Variants in DMPK observed in about 807,000 individuals in gnomAD.
The protein encoded by DMPK is myotonin-protein kinase.
In DMPK, 32 loss-of-function variants were observed where a neutral mutation model predicts 70.3. The observed-to-expected ratio is 0.46, with a 90% CI of 0.34 to 0.61. DMPK has a LOEUF of 0.61. DMPK is among the 20% of genes least tolerant of loss of function. The pLI is 0.01. For synonymous variants in DMPK, 469 were observed against 390.9 expected, an observed-to-expected ratio of 1.20 and a Z score of -2.36; for missense variants, 899 against 886.0, an observed-to-expected ratio of 1.01 and a Z score of -0.19.
At chr19:45,778,738 G>A (rs1969929931) in intron 4 of DMPK, 97 bp from the exon 5 acceptor site, 1 of 1,331,208 alleles carries the variant, frequency 7.5e-7, no homozygotes, top group South Asian at 1.4e-5. Context: ...CCCCATCCTT[G>A]GGCAGAGACC....
chr19:45,779,699 T>C (rs1037555821), intron 2 of DMPK, 79 bp downstream of exon 2: 6 of 1,529,114 alleles, frequency 3.9e-6, no homozygotes, highest in African/African-American at 2.8e-5. Context: ...CGGTCATTCA[T>C]CAATTTCTAA....
chr19:45,771,249 C>T (rs369969645), intron 13 of DMPK, 101 bp downstream of exon 13: 4 of 1,466,710 alleles, frequency 2.7e-6, no homozygotes, highest in Middle Eastern at 1.8e-4. Context: ...GTCGCAAAGA[C>T]GTAGGGTGAG....
At position 45,770,632 on chromosome 19, in the gene DMPK, C is replaced by T. The variant is rs1250841578; in HGVS notation, c.1746G>A (p.Arg582=). 6.4e-7 allele frequency: 1 copy of T among 1,551,882 alleles called. No homozygotes were observed. The highest frequency in any genetic ancestry group is 1.2e-5 in the South Asian group (1 of 84,086). The change falls in exon 15 of 15, where the codon AGG becomes AGA. Residue 582 remains arginine (R), a synonymous_variant. Coordinates refer to ENST00000291270, the MANE Select transcript of DMPK (RefSeq NM_004409.5). ...RHLLLPARVP[R]PGLSEALSLL... is the part of the protein sequence containing the mutation. ...GGGAAAGCGCCTCCGATAGGCCAGG[C>T]CTAGGGACCTGCGGGGAGAGGGCGA...
In DMPK at chr19:45,771,064, G is replaced by C; in HGVS notation, c.1648-4C>G. On this transcript the variant is annotated splice_region_variant and splice_polypyrimidine_tract_variant and intron_variant, in intron 13 of 14. Transcript: ENST00000291270. ...CCACGGCCGGGGGGCCATCTAGCTG[G>C]AGAGAGAAGGGACAGGTGACCCGAT... The C allele has an allele frequency of 6.6e-7, 1 of 1,526,132 alleles. No individual in the cohort carries two copies. Among genetic ancestry groups the C allele is most frequent in the Non-Finnish European group, 8.8e-7 (1 of 1,137,536 alleles). The allele number at this position is 1,526,132 out of a possible 1,614,324, so 94.5% of individuals were successfully genotyped here.
At chr19:45,782,145 T>A in intron 1 of DMPK, 48 bp downstream of exon 1, 1 of 577,010 alleles carries the variant, frequency 1.7e-6, no homozygotes, top group Non-Finnish European at 2.5e-6. Flanking sequence ...ACCTGTCTCC[T>A]GCCCCACCCC....
chr19:45,770,427 T>C lies in DMPK; in HGVS notation c.*61A>G. The C allele has an allele frequency of 6.5e-7, 1 of 1,535,238 alleles. No individual in the cohort carries two copies. The highest frequency in any genetic ancestry group is 8.8e-7 in the Non-Finnish European group (1 of 1,134,920). On this transcript the variant is annotated 3_prime_UTR_variant, in exon 15 of 15. Coordinates refer to ENST00000291270, the MANE Select transcript of DMPK (RefSeq NM_004409.5). Reference sequence around the variant, plus strand: ...TGGCAGGCGGTGGGCGCGGCTTCTGTGCCGTGCCCCGGGCACTCAGTCTTC... The same window carrying C: ...TGGCAGGCGGTGGGCGCGGCTTCTGCGCCGTGCCCCGGGCACTCAGTCTTC...
At chr19:45,772,803 G>T in intron 9 of DMPK, 51 bp from the exon 10 acceptor site, 1 of 1,094,002 alleles carries the variant, frequency 9.1e-7, no homozygotes, top group Non-Finnish European at 1.2e-6. Context: ...TGATTCTCTG[G>T]TGGAGAACCA....
Position 45,771,936 on chromosome 19 carries a change from T to C in DMPK, c.1345-8A>G, listed in dbSNP as rs1435812090. 1.1e-5 allele frequency: 17 copies of C among 1,586,256 alleles called. No individual in the cohort carries two copies. The highest frequency in any genetic ancestry group is 1.4e-5 in the Non-Finnish European group (16 of 1,165,424). The stretch of plus-strand genomic sequence containing the variant: ...TGGAACTGCCACTTCAGCCTGTGTA[T>C]GGGGACCAGGCTTAAGGCTGCCTGT... On this transcript the variant is annotated splice_polypyrimidine_tract_variant and splice_region_variant and intron_variant, in intron 10 of 14. Coordinates refer to ENST00000291270, the MANE Select transcript of DMPK (RefSeq NM_004409.5).
At chr19:45,771,495 T>C in intron 12 of DMPK, 73 bp downstream of exon 12, 1 of 1,610,518 alleles carries the variant, frequency 6.2e-7, no homozygotes, top group Non-Finnish European at 8.5e-7. Context: ...TCCAGGTGTC[T>C]ATACACGCCC....
In DMPK at chr19:45,779,493, G is replaced by A. The variant is rs767229336; in HGVS notation, c.282C>T (p.Gly94=). Residue 94 remains glycine, a synonymous_variant, in exon 3 of 15, where the codon GGC becomes GGT. Coordinates refer to ENST00000291270, the MANE Select transcript of DMPK (RefSeq NM_004409.5). ...TCATGATCTTCATGGCATACACCTG[G>A]CCCGTCTGCTTCATCTTCACTACCG... ...EVAVVKMKQT[G]QVYAMKIMNK... 3 of 1,613,700 alleles carry A rather than the reference G, an allele frequency of 1.9e-6. No homozygotes were observed. The highest frequency in any genetic ancestry group is 2.7e-5 in the African/African-American group (2 of 74,834).
At chr19:45,780,928 G>A (rs1201864999) in intron 1 of DMPK, among the ~76,000 whole-genome samples, 1 of 152,062 alleles carries the variant, frequency 6.6e-6, no homozygotes, top group Admixed American at 6.5e-5. Flanking sequence ...CCTCCCGGGA[G>A]CGCCAGACCC....
intron 4 of DMPK, chr19:45,778,953 C>G (rs925625959): frequency 1.7e-6 from 1 of 576,254 alleles, no homozygotes; most frequent in South Asian, 2.1e-5. Flanking sequence ...CCAGACACTC[C>G]TTCCCTAGGC....
intron 1 of DMPK, 32 bp downstream of exon 1, chr19:45,782,161 C>CCACA: frequency 7.2e-7 from 1 of 1,388,318 alleles, no homozygotes; most frequent in Non-Finnish European, 9.6e-7. Flanking sequence ...ACCCCCACCC[C>CCACA]ATCTGCAGGA....
At position 45,771,009 on chromosome 19, in the gene DMPK, C is replaced by T. The variant is rs763588179; in HGVS notation, c.1699G>A (p.Gly567Ser). 3.4e-6 allele frequency: 5 copies of T among 1,472,500 alleles called. No homozygotes were observed. Among genetic ancestry groups the T allele is most frequent in the Non-Finnish European group, 9.0e-7 (1 of 1,115,850 alleles). 91.2% of individuals were successfully genotyped at this position (1,472,500 alleles called of 1,614,324 possible). A position where few individuals can be genotyped will look rare whatever the true frequency, so the allele number is the denominator to read the frequency against. Residue 567 changes from glycine to serine, a missense_variant, in exon 14 of 15, where the codon GGC becomes AGC. Around this residue, in one of 3 missense-constraint regions of DMPK, gnomAD observed 555 missense variants for 483.8 expected, o/e 1.15. Transcript: ENST00000291270. ...AVGQCPLVGP[G>S]PMHRRHLLLP... ...AGCAGGTGGCGGCGGTGCATGGGGC[C>T]TGGCCCCACCAGCGGGCACTGGCCC...
intron 1 of DMPK, chr19:45,780,482 G>A: frequency 8.4e-7 from 1 of 1,191,708 alleles, no homozygotes; most frequent in East Asian, 5.8e-5. Flanking sequence ...CAGGAGGAGT[G>A]CTTTAGTCCT....
intron 11 of DMPK, 26 bp downstream of exon 11, chr19:45,771,745 G>GCCCCGGCCCCGGCCCCGATCCCGA (rs1427780964): frequency 6.3e-7 from 1 of 1,583,906 alleles, no homozygotes; most frequent in East Asian, 2.3e-5. Context: ...CCGCATCCCG[G>GCCCCGGCCCCGGCCCCGATCCCGA]CCCCGGCCCC....
chr19:45,781,850 G>A (rs1013707513), intron 1 of DMPK, among the ~76,000 whole-genome samples: 1 of 152,166 alleles, frequency 6.6e-6, no homozygotes, highest in African/African-American at 2.4e-5. Context: ...GAGGGTCCTA[G>A]GAGAGGGAGC....
In DMPK at chr19:45,770,258, G is replaced by T. The variant is rs1277119592; in HGVS notation, c.*230C>A. ...AGCAGCAGCAGCAGCAGCAGCAGCA[G>T]CAGCAGCATTCCCGGCTACAAGGAC... On this transcript the variant is annotated 3_prime_UTR_variant, in exon 15 of 15. Transcript: ENST00000291270. 2.9e-6 allele frequency: 2 copies of T among 694,866 alleles called. No individual in the cohort carries two copies. The highest frequency in any genetic ancestry group is 7.0e-5 in the East Asian group (2 of 28,404). 43.0% of individuals were successfully genotyped at this position (694,866 alleles called of 1,614,324 possible).
chr19:45,780,337 G>T, intron 1 of DMPK: 1 of 1,543,586 alleles, frequency 6.5e-7, no homozygotes. Context: ...AGATTCAGAT[G>T]CAGGTGGTTC....
Sources: gnomAD v4.1 joint callset for allele counts (sites outside exome capture counted in the v4.1 genomes callset) on GRCh38, gnomAD v4.1.1 for gene constraint, gnomAD v4.1.1 regional missense constraint, MANE v1.5 for transcripts, NCBI Gene and HGNC (gene_info 2026-07-23, HGNC 2026-07-21) for gene names.